The following PAFAH1B1 variants were observed in gnomAD, a reference collection of about 807,000 sequenced individuals.
PAFAH1B1 encodes platelet activating factor acetylhydrolase 1b regulatory subunit 1, also known as platelet-activating factor acetylhydrolase IB subunit beta.
A neutral mutation model predicts 57.5 loss-of-function variants in PAFAH1B1; 2 were observed. The observed-to-expected ratio is 0.03, with a 90% CI of 0.01 to 0.11. The LOEUF (loss-of-function observed/expected upper bound fraction) is 0.11. PAFAH1B1 is among the 10% of genes least tolerant of loss of function. The probability of loss-of-function intolerance (pLI) is 1.00; values close to 1 mark genes in which losing one functional copy is unlikely to be tolerated. For missense variants in PAFAH1B1, 257 were observed against 512.0 expected, an observed-to-expected ratio of 0.50 and a Z score of 4.81; for synonymous variants, 152 against 169.6, an observed-to-expected ratio of 0.90 and a Z score of 0.81.
intron 9 of PAFAH1B1, among the ~76,000 whole-genome samples, chr17:2,677,432 A>G (rs2069287617): frequency 6.6e-6 from 1 of 152,220 alleles, no homozygotes; most frequent in Non-Finnish European, 1.5e-5. Context: ...TTTGTTTAGT[A>G]GTAGTTTTTA....
intron 2 of PAFAH1B1, among the ~76,000 whole-genome samples, chr17:2,654,112 C>T (rs116763175): frequency 0.085 from 12,878 of 151,104 alleles, 599 homozygotes; most frequent in African/African-American, 0.13. Flanking sequence ...CGGCCAGTCA[C>T]TATACATTTA....
chr17:2,605,722 G>T (rs1049915703), intron 1 of PAFAH1B1, among the ~76,000 whole-genome samples: 3 of 151,948 alleles, frequency 2.0e-5, no homozygotes, highest in Admixed American at 1.3e-4. Flanking sequence ...CTCTGAGTTC[G>T]TAATCTTATA....
intron 1 of PAFAH1B1, among the ~76,000 whole-genome samples, chr17:2,619,752 A>T (rs2068394355): frequency 6.6e-6 from 1 of 152,138 alleles, no homozygotes; most frequent in African/African-American, 2.4e-5. Context: ...CTTAATGAGG[A>T]AACTGGGGTT....
At chr17:2,646,038 A>G (rs1389996104) in intron 2 of PAFAH1B1, among the ~76,000 whole-genome samples, 3 of 152,166 alleles carry the variant, frequency 2.0e-5, no homozygotes, top group Non-Finnish European at 4.4e-5. Context: ...CAGAAAATAC[A>G]GTCTTCAATG....
In PAFAH1B1 at chr17:2,684,862, C is replaced by G. The variant is rs2069450501; in HGVS notation, c.*3060C>G. On this transcript the variant is annotated 3_prime_UTR_variant, in exon 11 of 11. Coordinates refer to ENST00000397195, the MANE Select transcript of PAFAH1B1 (RefSeq NM_000430.4). ...CTCCCCGCTGCCAGTGCCCTGCTCT[C>G]CCGTTCGCCTCTTTCTGTTTCTGTG... The G allele has an allele frequency of 6.6e-6, 1 of 152,498 alleles. No homozygotes were observed. Among genetic ancestry groups the G allele is most frequent in the Non-Finnish European group, 1.5e-5 (1 of 68,038 alleles). 9.4% of individuals were successfully genotyped at this position (152,498 alleles called of 1,614,324 possible). A position where few individuals can be genotyped will look rare whatever the true frequency, so the allele number is the denominator to read the frequency against.
At chr17:2,595,448 G>A (rs776169848) in intron 1 of PAFAH1B1, among the ~76,000 whole-genome samples, 1 of 141,760 alleles carries the variant, frequency 7.1e-6, no homozygotes, top group Non-Finnish European at 1.5e-5. Context: ...GCTGCAGCAG[G>A]GCGGCTTAAT....
chr17:2,639,289 T>G (rs1276870207), intron 2 of PAFAH1B1: 1 of 152,218 alleles, frequency 6.6e-6, no homozygotes, highest in African/African-American at 2.4e-5. Flanking sequence ...ATCTGTGCAT[T>G]AGAAAAATGA....
intron 1 of PAFAH1B1, among the ~76,000 whole-genome samples, chr17:2,598,368 C>T (rs988658961): frequency 6.6e-6 from 1 of 152,096 alleles, no homozygotes; most frequent in Non-Finnish European, 1.5e-5. Context: ...GTGAGTCATG[C>T]GCTCTTTTGC....
intron 1 of PAFAH1B1, among the ~76,000 whole-genome samples, chr17:2,618,954 C>CAAA (rs34683975): frequency 1.4e-3 from 105 of 76,168 alleles, no homozygotes; most frequent in African/African-American, 3.7e-3. Context: ...GACTCCGTCT[C>CAAA]AAAAAAAAAA....
rs1004926186 is a variant in PAFAH1B1, at chr17:2,621,624, T to G, written c.-190-16475T>G. On this transcript the variant is annotated intron_variant, in intron 1 of 10. Transcript: ENST00000397195. Reference sequence around the variant, plus strand: ...TAATCTGTCTTTTTTTTTTTTTTTTTTTTTTTTTTTTTTTTTTTTGAGACA... The same window carrying G: ...TAATCTGTCTTTTTTTTTTTTTTTTGTTTTTTTTTTTTTTTTTTTGAGACA... Among the ~76,000 whole-genome samples the G allele has an allele frequency of 5.3e-4, 48 of 90,702 alleles. 3 individuals carry two copies. The highest frequency in any genetic ancestry group is 1.7e-3 in the African/African-American group (45 of 26,526). The allele number at this position is 90,702 out of a possible 152,430, so 59.5% of individuals were successfully genotyped here.
At position 2,635,959 on chromosome 17, in the gene PAFAH1B1, A is replaced by G. The variant is rs562364766; in HGVS notation, c.-190-2140A>G. On this transcript the variant is annotated intron_variant, in intron 1 of 10. Coordinates refer to ENST00000397195, the MANE Select transcript of PAFAH1B1 (RefSeq NM_000430.4). ...CTACAAAAATAGAAAAATACAAAAAAAAAAAAAAAAAAAATTAGCTGGGGT... is the reference window on the plus strand; with the variant it reads ...CTACAAAAATAGAAAAATACAAAAAGAAAAAAAAAAAAAATTAGCTGGGGT... 1.3e-3 allele frequency among the ~76,000 whole-genome samples: 200 copies of G among 151,478 alleles called. 1 individual carries two copies. The highest frequency in any genetic ancestry group is 4.6e-3 in the African/African-American group (191 of 41,344).
chr17:2,611,679 G>A (rs930365302), intron 1 of PAFAH1B1, among the ~76,000 whole-genome samples: 4 of 152,090 alleles, frequency 2.6e-5, no homozygotes, highest in African/African-American at 9.7e-5. Flanking sequence ...TTTTAAAAAA[G>A]AAGAGTGAGA....
At chr17:2,620,723 A>G (rs1483060324) in intron 1 of PAFAH1B1, among the ~76,000 whole-genome samples, 8 of 152,054 alleles carry the variant, frequency 5.3e-5, no homozygotes, top group African/African-American at 1.7e-4. Flanking sequence ...TTAGCTGGGT[A>G]TGGTGGCGCG....
intron 2 of PAFAH1B1, among the ~76,000 whole-genome samples, chr17:2,657,225 T>G (rs2068947965): frequency 6.6e-6 from 1 of 152,194 alleles, no homozygotes; most frequent in African/African-American, 2.4e-5. Flanking sequence ...GAGGAATGTT[T>G]AAAAATCAAG....
chr17:2,639,287 A>T (rs1317605952), intron 2 of PAFAH1B1: 1 of 152,206 alleles, frequency 6.6e-6, no homozygotes, highest in Non-Finnish European at 1.5e-5. Flanking sequence ...GAATCTGTGC[A>T]TTAGAAAAAT....
chr17:2,637,624 A>G (rs2068641197), intron 1 of PAFAH1B1, among the ~76,000 whole-genome samples: 1 of 152,160 alleles, frequency 6.6e-6, no homozygotes, highest in Admixed American at 6.6e-5. Flanking sequence ...TATGTTATAA[A>G]TACCGGCCAT....
Position 2,681,827 on chromosome 17 carries a change from CCT to C in PAFAH1B1, c.*28_*29del. The stretch of plus-strand genomic sequence containing the variant: ...ATTGTGTCTCCTTCGGCCCCTCCTC[CCT>C]CTTTTCCTCTGGATGCACTCTGATG... On this transcript the variant is annotated 3_prime_UTR_variant, in exon 11 of 11. Coordinates refer to ENST00000397195, the MANE Select transcript of PAFAH1B1 (RefSeq NM_000430.4). The C allele has an allele frequency of 6.4e-7, 1 of 1,555,202 alleles. No individual in the cohort carries two copies.
At chr17:2,607,058 T>C (rs958275908) in intron 1 of PAFAH1B1, among the ~76,000 whole-genome samples, 1 of 152,050 alleles carries the variant, frequency 6.6e-6, no homozygotes, top group Non-Finnish European at 1.5e-5. Flanking sequence ...TTTCCTGACA[T>C]TGTGATCCAC....
At chr17:2,593,509 C>T (rs1330414612), upstream of PAFAH1B1, among the ~76,000 whole-genome samples, 1 of 151,416 alleles carries the variant, frequency 6.6e-6, no homozygotes, top group East Asian at 1.9e-4. Context: ...AGCGCGGCCC[C>T]GGCCCGGCCC....
Sources: allele counts gnomAD v4.1 joint callset (sites outside exome capture counted in the v4.1 genomes callset), GRCh38; gene constraint gnomAD v4.1.1; transcripts MANE v1.5; gene names NCBI Gene and HGNC (gene_info 2026-07-23, HGNC 2026-07-21).